The following SLC38A11 variants were observed in gnomAD, a reference collection of about 807,000 sequenced individuals.
The protein encoded by SLC38A11 is putative sodium-coupled neutral amino acid transporter 11.
Under a neutral mutation model 49.4 loss-of-function variants are expected in SLC38A11, and 51 were observed. That is an observed-to-expected ratio of 1.03 (90% CI 0.83 to 1.30). SLC38A11 has a LOEUF of 1.30. Among genes scored for constraint, SLC38A11 ranks in the 50% most tolerant of loss-of-function variants. SLC38A11 has a pLI of 0.00. For synonymous variants in SLC38A11, 203 were observed against 192.9 expected (o/e 1.05, Z -0.43); for missense variants, 574 against 556.2 (o/e 1.03, Z -0.32).
chr2:164,954,628 T>TAA lies in SLC38A11; in HGVS notation c.154+2_154+3insTT. The TAA allele has an allele frequency of 6.9e-7, 1 of 1,448,124 alleles. No individual in the cohort carries two copies. The highest frequency in any genetic ancestry group is 2.2e-5 in the Admixed American group (1 of 45,402). The allele number at this position is 1,448,124 out of a possible 1,614,324, so 89.7% of individuals were successfully genotyped here. The stretch of plus-strand genomic sequence containing the variant: ...AAATTTAAACCAAAGCAAATACACT[T>TAA]ACCTATTATACCAGATCCTATAATC... On this transcript the variant is annotated splice_region_variant and intron_variant, in intron 2 of 11. Coordinates refer to ENST00000685975, the MANE Select transcript of SLC38A11 (RefSeq NM_001351537.2).
chr2:164,928,040 A>G (rs1686721601), intron 7 of SLC38A11, among the ~76,000 whole-genome samples: 1 of 152,174 alleles, frequency 6.6e-6, no homozygotes, highest in Non-Finnish European at 1.5e-5. Flanking sequence ...AGTACTTAAT[A>G]TTGAGGAGCC....
intron 9 of SLC38A11, among the ~76,000 whole-genome samples, chr2:164,913,869 A>G (rs566607859): frequency 6.6e-6 from 1 of 152,142 alleles, no homozygotes; most frequent in East Asian, 1.9e-4. Flanking sequence ...CTGCATTTGA[A>G]TTTTGTTAAT....
At chr2:164,934,699 A>AT (rs1002744267) in intron 7 of SLC38A11, among the ~76,000 whole-genome samples, 1 of 152,166 alleles carries the variant, frequency 6.6e-6, no homozygotes. Flanking sequence ...CAACCCAGTG[A>AT]TTTTTTTCCC....
In SLC38A11 at chr2:164,905,301, T is replaced by A. The variant is rs190501472; in HGVS notation, c.1095+3339A>T. 1.6e-3 allele frequency among the ~76,000 whole-genome samples: 240 copies of A among 152,002 alleles called. 2 individuals are homozygous for A. The highest frequency in any genetic ancestry group is 0.014 in the South Asian group (65 of 4,806). On this transcript the variant is annotated intron_variant, in intron 11 of 11. Coordinates refer to ENST00000685975, the MANE Select transcript of SLC38A11 (RefSeq NM_001351537.2). ...CCCAGCTAATATTTTCTCTTTTTTTTGGTATTTTTTAGTAGAGACAGGATT... is the reference window on the plus strand; with the variant it reads ...CCCAGCTAATATTTTCTCTTTTTTTAGGTATTTTTTAGTAGAGACAGGATT...
intron 11 of SLC38A11, among the ~76,000 whole-genome samples, chr2:164,902,703 T>G (rs1309394606): frequency 6.6e-6 from 1 of 152,080 alleles, no homozygotes; most frequent in Non-Finnish European, 1.5e-5. Flanking sequence ...GTTAATAAAA[T>G]TACTGTGTGT....
At chr2:164,917,773 A>G (rs2105466729) in intron 7 of SLC38A11, among the ~76,000 whole-genome samples, 1 of 152,202 alleles carries the variant, frequency 6.6e-6, no homozygotes, top group South Asian at 2.1e-4. Flanking sequence ...TAAATCTTAT[A>G]TTAGTAATAA....
rs1688733913 is a variant in SLC38A11 at position 164,954,686 on chromosome 2, A to G, written c.99T>C (p.Cys33=). 6.5e-7 allele frequency: 1 copy of G among 1,544,972 alleles called. No homozygotes were observed. Among genetic ancestry groups the G allele is most frequent in the Non-Finnish European group, 8.7e-7 (1 of 1,143,536 alleles). ...VSEHEYKEKT[C]QSAALFNVVN... is the part of the protein sequence containing the mutation. ...CAACATTAAAAAGAGCAGCAGACTG[A>G]CAGGTTTTCTCTTTATACTCATGTT... The change falls in exon 2 of 12, where the codon TGT becomes TGC. Residue 33 remains cysteine, a synonymous_variant. Transcript: ENST00000685975.
At chr2:164,911,125 T>C (rs1333453545) in intron 10 of SLC38A11, among the ~76,000 whole-genome samples, 3 of 152,012 alleles carry the variant, frequency 2.0e-5, no homozygotes, top group Non-Finnish European at 4.4e-5. Context: ...AAAGTTTCAG[T>C]TGAATTTTGG....
chr2:164,923,809 A>T (rs1358209956), intron 7 of SLC38A11, among the ~76,000 whole-genome samples: 1 of 151,992 alleles, frequency 6.6e-6, no homozygotes, highest in African/African-American at 2.4e-5. Flanking sequence ...AAAATAAAAA[A>T]AAAAAACAAA....
intron 11 of SLC38A11, among the ~76,000 whole-genome samples, chr2:164,902,015 G>C (rs1559083807): frequency 6.9e-6 from 1 of 144,750 alleles, no homozygotes; most frequent in Non-Finnish European, 1.5e-5. Context: ...ATAATCATGT[G>C]TTTTTTGTTT....
rs555943889 is a variant in SLC38A11 at position 164,899,576 on chromosome 2, C to T, written c.1096-846G>A. 1.6e-4 allele frequency among the ~76,000 whole-genome samples: 24 copies of T among 152,020 alleles called. No homozygotes were observed. In the South Asian group the frequency reaches 2.1e-3, roughly 13 times the overall value. ...TTTAGGTAATATGTTTTTCTAATTA[C>T]GTTAGATTTTAATTATAGTATATTT... On this transcript the variant is annotated intron_variant, in intron 11 of 11. Transcript: ENST00000685975.
chr2:164,913,350 T>C (rs977149017), intron 9 of SLC38A11, among the ~76,000 whole-genome samples: 1 of 152,068 alleles, frequency 6.6e-6, no homozygotes, highest in African/African-American at 2.4e-5. Context: ...AAATGAGCCC[T>C]ATTGTCTTTT....
At chr2:164,954,026 G>C (rs942818515) in intron 2 of SLC38A11, among the ~76,000 whole-genome samples, 21 of 151,804 alleles carry the variant, frequency 1.4e-4, no homozygotes, top group African/African-American at 5.1e-4. Flanking sequence ...TGATTGTATG[G>C]CTCCTTTATT....
At chr2:164,941,994 T>C (rs749247132) in intron 5 of SLC38A11, among the ~76,000 whole-genome samples, 4 of 152,154 alleles carry the variant, frequency 2.6e-5, no homozygotes, top group Non-Finnish European at 5.9e-5. Flanking sequence ...GCTGAAAGGA[T>C]GGTTTCCACC....
At chr2:164,940,611 A>G (rs1687699479) in intron 5 of SLC38A11, among the ~76,000 whole-genome samples, 1 of 151,304 alleles carries the variant, frequency 6.6e-6, no homozygotes, top group Non-Finnish European at 1.5e-5. Context: ...CTTTTCTTAG[A>G]TGGCTAATAA....
At chr2:164,913,463 C>G (rs1190592997) in intron 9 of SLC38A11, among the ~76,000 whole-genome samples, 1 of 152,008 alleles carries the variant, frequency 6.6e-6, no homozygotes, top group Admixed American at 6.6e-5. Context: ...GCAGTATGCA[C>G]AAATTAGACT....
chr2:164,941,034 A>G (rs1486822467), intron 5 of SLC38A11, among the ~76,000 whole-genome samples: 3 of 152,048 alleles, frequency 2.0e-5, no homozygotes, highest in African/African-American at 7.2e-5. Context: ...ATAAACGCTG[A>G]CACAGAGTGC....
intron 7 of SLC38A11, among the ~76,000 whole-genome samples, chr2:164,934,422 C>T (rs577022089): frequency 1.2e-4 from 18 of 152,198 alleles, no homozygotes; most frequent in African/African-American, 4.3e-4. Flanking sequence ...AATCTTTGTT[C>T]ATAGAATCTC....
chr2:164,906,598 T>C (rs1014144570), intron 11 of SLC38A11, among the ~76,000 whole-genome samples: 5 of 152,024 alleles, frequency 3.3e-5, no homozygotes, highest in South Asian at 2.1e-4. Context: ...GTCAGCGCAT[T>C]AATGTAGTAG....
Sources: gnomAD v4.1 joint callset for allele counts (sites outside exome capture counted in the v4.1 genomes callset) on GRCh38, gnomAD v4.1.1 for gene constraint, MANE v1.5 for transcripts, NCBI Gene and HGNC (gene_info 2026-07-23, HGNC 2026-07-21) for gene names.